Variants in FAM114A1 observed in about 807,000 individuals in gnomAD.
FAM114A1 encodes the protein protein NOXP20.
FAM114A1 carries 62 observed loss-of-function variants against 64.3 expected under a neutral mutation model. The observed-to-expected ratio is 0.96, with a 90% CI of 0.79 to 1.19. The LOEUF (loss-of-function observed/expected upper bound fraction) is 1.19, where lower values mean the gene tolerates loss of function less well. FAM114A1 is among the 50% of genes most tolerant of loss of function. The pLI, the probability that FAM114A1 is intolerant of heterozygous loss-of-function variation, is 0.00. For synonymous variants in FAM114A1, 254 were observed against 251.1 expected (o/e 1.01, Z -0.11); for missense variants, 645 against 676.3 (o/e 0.95, Z 0.51).
In FAM114A1 at chr4:38,905,660, G is replaced by A. The variant is rs767974839; in HGVS notation, c.550+25G>A. 4 of 1,610,362 alleles carry A rather than the reference G, an allele frequency of 2.5e-6. No homozygotes were observed. The South Asian group carries it at 4.4e-5, about 18-fold the overall frequency. Reference sequence around the variant, plus strand: ...AGTGAGTGATGTGTCTCCTCTGGGTGTTCTTGGACTTTATTACACCATGTG... The same window carrying A: ...AGTGAGTGATGTGTCTCCTCTGGGTATTCTTGGACTTTATTACACCATGTG... On this transcript the variant is annotated intron_variant, in intron 5 of 14. Transcript: ENST00000358869.
intron 3 of FAM114A1, among the ~76,000 whole-genome samples, chr4:38,886,402 C>T (rs1003439795): frequency 2.0e-5 from 3 of 151,456 alleles, no homozygotes; most frequent in African/African-American, 4.8e-5. Context: ...AACTCCTGAC[C>T]TCAGGTGATT....
chr4:38,904,095 T>G (rs932216598), intron 4 of FAM114A1, among the ~76,000 whole-genome samples: 1 of 152,218 alleles, frequency 6.6e-6, no homozygotes, highest in South Asian at 2.1e-4. Context: ...TCAAATTCTG[T>G]TGGGACTTGG....
Position 38,891,790 on chromosome 4 carries a change from C to T in FAM114A1, c.396C>T (p.Ser132=). 6.2e-7 allele frequency: 1 copy of T among 1,612,668 alleles called. No homozygotes were observed. Among genetic ancestry groups the T allele is most frequent in the Non-Finnish European group, 8.5e-7 (1 of 1,179,376 alleles). The change falls in exon 4 of 15, where the codon TCC becomes TCT. Residue 132 remains serine, a synonymous_variant. Coordinates refer to ENST00000358869, the MANE Select transcript of FAM114A1 (RefSeq NM_138389.4). The stretch of plus-strand genomic sequence containing the variant: ...GAGGAGGATGGGCAGGCTGGGGATC[C>T]TGGGGCAAATCTCTGCTGTCGTCAG... ...PSGGGWAGWG[S]WGKSLLSSAS... is the part of the protein sequence containing the mutation.
At chr4:38,875,031 T>C (rs1714471808) in intron 2 of FAM114A1, among the ~76,000 whole-genome samples, 1 of 152,184 alleles carries the variant, frequency 6.6e-6, no homozygotes, top group South Asian at 2.1e-4. Flanking sequence ...TGTTGGCTTA[T>C]GTGTTTTATT....
At chr4:38,876,956 A>C (rs1714705545) in intron 2 of FAM114A1, among the ~76,000 whole-genome samples, 1 of 152,194 alleles carries the variant, frequency 6.6e-6, no homozygotes, top group Non-Finnish European at 1.5e-5. Flanking sequence ...TGATAAGGAC[A>C]CTTGTGATTA....
At chr4:38,876,162 CTTTTTTCTTTTTTTT>C (rs1363321353) in intron 2 of FAM114A1, among the ~76,000 whole-genome samples, 7 of 99,268 alleles carry the variant, frequency 7.1e-5, no homozygotes, top group African/African-American at 2.1e-4. Context: ...TAGACTTATT[CTTTTTTCTTTTTTTT>C]TTTTTTTTTT....
intron 9 of FAM114A1, among the ~76,000 whole-genome samples, chr4:38,923,468 G>A (rs1719819856): frequency 6.6e-6 from 1 of 152,004 alleles, no homozygotes; most frequent in Admixed American, 6.5e-5. Context: ...TGATCTGCCT[G>A]CCTCGGCCTC....
intron 9 of FAM114A1, among the ~76,000 whole-genome samples, chr4:38,926,863 C>T (rs920392782): frequency 1.3e-5 from 2 of 152,188 alleles, no homozygotes; most frequent in South Asian, 2.1e-4. Flanking sequence ...TCTGTTCAGG[C>T]ATCACCTCCT....
Position 38,944,336 on chromosome 4 carries a change from C to A in FAM114A1, c.*779C>A, listed in dbSNP as rs540266944. 5 of 152,374 alleles carry A rather than the reference C, an allele frequency of 3.3e-5. No individual in the cohort carries two copies. In the South Asian group the frequency reaches 1.0e-3, roughly 32 times the overall value. 9.4% of individuals were successfully genotyped at this position (152,374 alleles called of 1,614,324 possible). On this transcript the variant is annotated 3_prime_UTR_variant, in exon 15 of 15. Coordinates refer to ENST00000358869, the MANE Select transcript of FAM114A1 (RefSeq NM_138389.4). ...CTGCCCGCCTCAGCCTCCCAAAGTGCTGGGATTACAGGCTTGAGCCACCGC... is the reference window on the plus strand; with the variant it reads ...CTGCCCGCCTCAGCCTCCCAAAGTGATGGGATTACAGGCTTGAGCCACCGC...
At chr4:38,877,887 C>G (rs1714806090) in intron 2 of FAM114A1, among the ~76,000 whole-genome samples, 184 bp from the exon 3 acceptor site, 1 of 150,730 alleles carries the variant, frequency 6.6e-6, no homozygotes, top group African/African-American at 2.4e-5. Flanking sequence ...TCGCTTGAAC[C>G]TGGGAGGCGG....
intron 8 of FAM114A1, among the ~76,000 whole-genome samples, chr4:38,917,163 A>G (rs941248355): frequency 7.5e-6 from 1 of 132,788 alleles, no homozygotes; most frequent in Non-Finnish European, 1.5e-5. Flanking sequence ...TAAATAAATA[A>G]ATAAATAAAT....
intron 3 of FAM114A1, among the ~76,000 whole-genome samples, chr4:38,885,983 A>G (rs1715759668): frequency 6.6e-6 from 1 of 152,200 alleles, no homozygotes; most frequent in African/African-American, 2.4e-5. Context: ...TCTAAGGCAG[A>G]TGTAAAAGTG....
intron 8 of FAM114A1, among the ~76,000 whole-genome samples, chr4:38,920,628 A>G (rs1719498716): frequency 6.6e-6 from 1 of 152,246 alleles, no homozygotes; most frequent in Non-Finnish European, 1.5e-5. Flanking sequence ...GCCAGAAGAC[A>G]TAGGCAAACA....
chr4:38,933,994 T>C (rs1276755009), intron 12 of FAM114A1, among the ~76,000 whole-genome samples: 2 of 152,186 alleles, frequency 1.3e-5, no homozygotes, highest in Admixed American at 6.6e-5. Context: ...GATTTCCATA[T>C]CTAAGGATAT....
intron 4 of FAM114A1, among the ~76,000 whole-genome samples, chr4:38,894,162 CAAAAAAAAAAA>C (rs60660305): frequency 1.2e-5 from 1 of 80,392 alleles, no homozygotes; most frequent in Non-Finnish European, 2.4e-5. Flanking sequence ...GAGTATGTCT[CAAAAAAAAAAA>C]AAAAAAAAAA....
At chr4:38,880,207 G>T (rs914873041) in intron 3 of FAM114A1, among the ~76,000 whole-genome samples, 7 of 151,502 alleles carry the variant, frequency 4.6e-5, no homozygotes, top group African/African-American at 1.7e-4. Context: ...CAAGCCCAAG[G>T]ATTCTGATTC....
intron 13 of FAM114A1, among the ~76,000 whole-genome samples, chr4:38,936,784 C>G (rs1377236113): frequency 6.6e-6 from 1 of 151,758 alleles, no homozygotes; most frequent in African/African-American, 2.4e-5. Context: ...AACTCCTGAC[C>G]TAGTGATCCA....
At chr4:38,896,035 T>G (rs1716906426) in intron 4 of FAM114A1, among the ~76,000 whole-genome samples, 1 of 152,094 alleles carries the variant, frequency 6.6e-6, no homozygotes, top group Non-Finnish European at 1.5e-5. Context: ...TTACAGAACC[T>G]TAGTATTTTC....
At chr4:38,879,195 C>G (rs1163915095) in intron 3 of FAM114A1, among the ~76,000 whole-genome samples, 2 of 152,146 alleles carry the variant, frequency 1.3e-5, no homozygotes, top group Non-Finnish European at 2.9e-5. Flanking sequence ...AGGCTGCTCT[C>G]CTCATCCTGT....
Sources: allele counts gnomAD v4.1 joint callset (sites outside exome capture counted in the v4.1 genomes callset), GRCh38; gene constraint gnomAD v4.1.1; transcripts MANE v1.5; gene names NCBI Gene and HGNC (gene_info 2026-07-23, HGNC 2026-07-21).